Variants in DLG2 observed in about 807,000 individuals in gnomAD.
DLG2 encodes disks large homolog 2.
DLG2 carries 45 observed loss-of-function variants against 132.5 expected under a neutral mutation model. That is an observed-to-expected ratio of 0.34 (90% confidence interval 0.27 to 0.44). The LOEUF (loss-of-function observed/expected upper bound fraction) is 0.44, where lower values mean the gene tolerates loss of function less well. DLG2 is among the 20% of genes least tolerant of loss of function. The probability of loss-of-function intolerance (pLI) is 1.00; values close to 1 mark genes in which losing one functional copy is unlikely to be tolerated. For missense variants in DLG2, 1,045 were observed against 1,196.9 expected, an observed-to-expected ratio of 0.87 and a Z score of 1.87; for synonymous variants, 424 against 419.6, an observed-to-expected ratio of 1.01 and a Z score of -0.13.
chr11:83,649,090 T>C (rs572262601), intron 18 of DLG2, among the ~76,000 whole-genome samples: 1 of 152,124 alleles, frequency 6.6e-6, no homozygotes, highest in East Asian at 1.9e-4. Context: ...CAACACGGGG[T>C]TGGGGGAGAT....
intron 6 of DLG2, among the ~76,000 whole-genome samples, chr11:84,901,563 T>C (rs960032956): frequency 6.6e-6 from 1 of 152,120 alleles, no homozygotes; most frequent in African/African-American, 2.4e-5. Flanking sequence ...TAAACTCTGT[T>C]ACTCCATTAA....
intron 5 of DLG2, among the ~76,000 whole-genome samples, chr11:85,119,046 T>C (rs2073998668): frequency 6.6e-6 from 1 of 151,926 alleles, no homozygotes; most frequent in Non-Finnish European, 1.5e-5. Flanking sequence ...TATTCTTGTA[T>C]CTGAGTATAA....
intron 11 of DLG2, among the ~76,000 whole-genome samples, chr11:84,044,543 A>G (rs1456643362): frequency 6.6e-6 from 1 of 151,610 alleles, no homozygotes; most frequent in Non-Finnish European, 1.5e-5. Context: ...GTTGGAAGAG[A>G]TCTCGGTAGA....
At chr11:84,263,683 C>G (rs1282059156) in intron 7 of DLG2, among the ~76,000 whole-genome samples, 1 of 152,016 alleles carries the variant, frequency 6.6e-6, no homozygotes, top group African/African-American at 2.4e-5. Context: ...TCATTTTTCC[C>G]CTACTCACCA....
At chr11:83,597,564 G>A (rs113872342) in intron 19 of DLG2, among the ~76,000 whole-genome samples, 4,567 of 151,966 alleles carry the variant, frequency 0.03, 234 homozygotes, top group African/African-American at 0.1. Flanking sequence ...AGTCATGGTA[G>A]TGTGTGCCTA....
At chr11:85,336,916 C>A (rs1192390648) in intron 3 of DLG2, among the ~76,000 whole-genome samples, 1 of 152,210 alleles carries the variant, frequency 6.6e-6, no homozygotes, top group Non-Finnish European at 1.5e-5. Flanking sequence ...TAGCATTCAT[C>A]CATAGGCTTT....
intron 8 of DLG2, among the ~76,000 whole-genome samples, chr11:84,181,757 A>T (rs1039030914): frequency 2.0e-5 from 3 of 152,204 alleles, no homozygotes; most frequent in African/African-American, 7.2e-5. Flanking sequence ...GCAGATATCA[A>T]CGCAAGATAA....
chr11:83,904,543 T>C (rs894715308), intron 15 of DLG2, among the ~76,000 whole-genome samples: 2 of 152,196 alleles, frequency 1.3e-5, no homozygotes, highest in Admixed American at 1.3e-4. Context: ...TTTCTGCACA[T>C]GTTGCTAGCA....
intron 7 of DLG2, among the ~76,000 whole-genome samples, chr11:84,430,862 A>T (rs1418942593): frequency 1.3e-5 from 2 of 152,174 alleles, no homozygotes; most frequent in Admixed American, 6.5e-5. Flanking sequence ...CCTCTCTGTC[A>T]CCACAGCTAG....
At chr11:85,441,186 T>C (rs569494296) in intron 3 of DLG2, among the ~76,000 whole-genome samples, 79 of 152,344 alleles carry the variant, frequency 5.2e-4, no homozygotes, top group Non-Finnish European at 9.6e-4. Flanking sequence ...AGATTTCTTC[T>C]GTATATCCCA....
chr11:85,437,012 A>C (rs1197324297), intron 3 of DLG2, among the ~76,000 whole-genome samples: 1 of 152,198 alleles, frequency 6.6e-6, no homozygotes, highest in Non-Finnish European at 1.5e-5. Flanking sequence ...GACATGGATG[A>C]AGCTGGAAGA....
At chr11:84,978,328 C>G (rs1592132167) in intron 6 of DLG2, among the ~76,000 whole-genome samples, 1 of 152,000 alleles carries the variant, frequency 6.6e-6, no homozygotes, top group East Asian at 1.9e-4. Flanking sequence ...CATATGGAAC[C>G]AAAAAAGAGC....
rs201593319 is a variant in DLG2, at chr11:83,795,447, C to A, written c.1723-8655G>T. Among the ~76,000 whole-genome samples, 218 of 141,318 alleles carry A rather than the reference C, an allele frequency of 1.5e-3. 4 individuals are homozygous for A. The East Asian group carries it at 0.027, about 18-fold the overall frequency. The allele number at this position is 141,318 out of a possible 152,430, so 92.7% of individuals were successfully genotyped here. Reference sequence around the variant, plus strand: ...TATATCTATATCTATATCTATATATCTATATCTATATCTATCTATTTGGGT... The same window carrying A: ...TATATCTATATCTATATCTATATATATATATCTATATCTATCTATTTGGGT... On this transcript the variant is annotated intron_variant, in intron 17 of 27. Coordinates refer to ENST00000376104, the MANE Select transcript of DLG2 (RefSeq NM_001142699.3).
intron 7 of DLG2, among the ~76,000 whole-genome samples, chr11:84,497,830 G>A (rs532761034): frequency 6.6e-6 from 1 of 152,166 alleles, no homozygotes; most frequent in African/African-American, 2.4e-5. Context: ...GCACAGATCC[G>A]CATTACCTTG....
intron 19 of DLG2, among the ~76,000 whole-genome samples, chr11:83,547,585 G>T (rs1446852140): frequency 6.6e-6 from 1 of 152,046 alleles, no homozygotes; most frequent in Non-Finnish European, 1.5e-5. Context: ...TGGTTATTAG[G>T]TTACAGCCAT....
chr11:84,940,589 T>C (rs771948024), intron 6 of DLG2, among the ~76,000 whole-genome samples: 1 of 152,244 alleles, frequency 6.6e-6, no homozygotes, highest in Non-Finnish European at 1.5e-5. Flanking sequence ...TTCTTTCCTA[T>C]TGAGTTATTT....
At position 83,461,288 on chromosome 11, in the gene DLG2, G is replaced by C. The variant is rs553035144; in HGVS notation, c.2821+714C>G. ...AGCCTCCCAAAGTGCTGGGATTAGAGGCATAAGCCCAGCTCGAAAGTTCTT... is the reference window on the plus strand; with the variant it reads ...AGCCTCCCAAAGTGCTGGGATTAGACGCATAAGCCCAGCTCGAAAGTTCTT... On this transcript the variant is annotated intron_variant, in intron 27 of 27. Coordinates refer to ENST00000376104, the MANE Select transcript of DLG2 (RefSeq NM_001142699.3). Among the ~76,000 whole-genome samples the C allele has an allele frequency of 3.9e-5, 6 of 152,138 alleles. No individual in the cohort carries two copies. The South Asian group carries it at 1.2e-3, about 32-fold the overall frequency.
At chr11:83,649,860 C>A (rs2069541728) in intron 18 of DLG2, among the ~76,000 whole-genome samples, 1 of 152,120 alleles carries the variant, frequency 6.6e-6, no homozygotes, top group Non-Finnish European at 1.5e-5. Flanking sequence ...ATAGATATTC[C>A]TTAATTTTCA....
chr11:84,121,671 C>T (rs2093926655), intron 9 of DLG2, among the ~76,000 whole-genome samples: 1 of 147,938 alleles, frequency 6.8e-6, no homozygotes, highest in Non-Finnish European at 1.5e-5. Flanking sequence ...ACGCCATTCT[C>T]CTGCCTCAGC....
Sources: allele counts gnomAD v4.1 joint callset (sites outside exome capture counted in the v4.1 genomes callset), GRCh38; gene constraint gnomAD v4.1.1; transcripts MANE v1.5; gene names NCBI Gene and HGNC (gene_info 2026-07-23, HGNC 2026-07-21).